The following GNAZ variants were observed in gnomAD, a reference collection of about 807,000 sequenced individuals.
GNAZ encodes the protein G protein subunit alpha z, also known as guanine nucleotide-binding protein G(z) subunit alpha.
Under a neutral mutation model 25.4 loss-of-function variants are expected in GNAZ, and 3 were observed. The observed-to-expected ratio is 0.12, with a 90% CI of 0.05 to 0.30. The LOEUF (loss-of-function observed/expected upper bound fraction) is 0.30. Ranked by LOEUF, GNAZ falls within the 10% of genes least tolerant of loss-of-function variation. GNAZ has a pLI of 1.00. For missense variants in GNAZ, 241 were observed against 501.8 expected (o/e 0.48, Z 4.97); for synonymous variants, 211 against 205.7 (o/e 1.03, Z -0.22).
chr22:23,093,247 C>T (rs1297012961), intron 1 of GNAZ, among the ~76,000 whole-genome samples: 3 of 152,220 alleles, frequency 2.0e-5, no homozygotes, highest in African/African-American at 7.2e-5. Flanking sequence ...AATCACTGCC[C>T]TCTTGGCAGA....
intron 1 of GNAZ, among the ~76,000 whole-genome samples, chr22:23,087,424 C>T (rs2146291090): frequency 6.6e-6 from 1 of 152,254 alleles, no homozygotes; most frequent in African/African-American, 2.4e-5. Flanking sequence ...TGATGGTGCA[C>T]TGCAGCTGGG....
chr22:23,113,894 G>A (rs760878702), intron 2 of GNAZ, among the ~76,000 whole-genome samples: 17 of 152,216 alleles, frequency 1.1e-4, no homozygotes, highest in Non-Finnish European at 2.2e-4. Flanking sequence ...ACCCGCTACC[G>A]ATGGAGGCAT....
chr22:23,072,872 G>C (rs185785859), intron 1 of GNAZ, among the ~76,000 whole-genome samples: 1 of 152,368 alleles, frequency 6.6e-6, no homozygotes, highest in East Asian at 1.9e-4. Context: ...TGGTGCAGGA[G>C]TATGGGTGGG....
intron 1 of GNAZ, among the ~76,000 whole-genome samples, chr22:23,079,998 G>C (rs1027929902): frequency 1.3e-5 from 2 of 152,282 alleles, no homozygotes; most frequent in South Asian, 4.1e-4. Context: ...CCACTCAAGT[G>C]AGGGTTTGAT....
At chr22:23,088,176 G>A (rs189988873) in intron 1 of GNAZ, among the ~76,000 whole-genome samples, 4 of 152,338 alleles carry the variant, frequency 2.6e-5, no homozygotes, top group Admixed American at 2.6e-4. Context: ...TGGCCTGCAG[G>A]TTCCCATACT....
At chr22:23,113,246 G>A (rs960990770) in intron 2 of GNAZ, among the ~76,000 whole-genome samples, 1 of 152,232 alleles carries the variant, frequency 6.6e-6, no homozygotes. Context: ...ACCTGGCCCT[G>A]TGCCCAGGCA....
At chr22:23,087,502 G>T (rs529638227) in intron 1 of GNAZ, among the ~76,000 whole-genome samples, 1 of 152,168 alleles carries the variant, frequency 6.6e-6, no homozygotes, top group Non-Finnish European at 1.5e-5. Context: ...CACCTTGCCC[G>T]CTGCCTAGAC....
At chr22:23,103,634 C>T (rs2069370753) in intron 2 of GNAZ, among the ~76,000 whole-genome samples, 1 of 151,592 alleles carries the variant, frequency 6.6e-6, no homozygotes, top group African/African-American at 2.5e-5. Context: ...AGAGAGCAAC[C>T]TTGCATTGGC....
In GNAZ at chr22:23,124,075, C is replaced by G. The variant is rs529444439; in HGVS notation, c.*644C>G. ...ACAGCTTCAAAATATGCAGCAAAAA[C>G]CAATACAACAAAACGAGTGGCACGA... is the stretch of plus-strand genomic sequence containing the variant. On this transcript the variant is annotated 3_prime_UTR_variant, in exon 3 of 3. Transcript: ENST00000615612. 9.0e-6 allele frequency: 2 copies of G among 222,496 alleles called. No individual in the cohort carries two copies. The highest frequency in any genetic ancestry group is 4.7e-5 in the African/African-American group (2 of 42,228). 13.8% of individuals were successfully genotyped at this position (222,496 alleles called of 1,614,324 possible). A position where few individuals can be genotyped will look rare whatever the true frequency, so the allele number is the denominator to read the frequency against.
Position 23,123,241 on chromosome 22 carries a change from G to A in GNAZ, c.878G>A (p.Gly293Asp). The change falls in exon 3 of 3, where the codon GGC becomes GAC. Residue 293 changes from glycine to aspartate, a missense_variant. Gly to Asp is a moderately conservative substitution (Grantham distance 94, BLOSUM62 -1). Transcript: ENST00000615612. ...ACCATCTGCTTTCCCGAGTACAAGG[G>A]CCAGAACACGTACGAGGAGGCCGCT... ...PLTICFPEYKGQNTYEEAAVY... is the reference protein window; with the variant it reads ...PLTICFPEYKDQNTYEEAAVY... 6.2e-7 allele frequency: 1 copy of A among 1,614,100 alleles called. No homozygotes were observed. The highest frequency in any genetic ancestry group is 8.5e-7 in the Non-Finnish European group (1 of 1,180,016).
At position 23,124,303 on chromosome 22, in the gene GNAZ, G is replaced by T; in HGVS notation, c.*872G>T. 3.7e-6 allele frequency: 1 copy of T among 270,618 alleles called. No homozygotes were observed. The highest frequency in any genetic ancestry group is 8.4e-6 in the Non-Finnish European group (1 of 119,406). 16.8% of individuals were successfully genotyped at this position (270,618 alleles called of 1,614,324 possible). A position where few individuals can be genotyped will look rare whatever the true frequency, so the allele number is the denominator to read the frequency against. On this transcript the variant is annotated 3_prime_UTR_variant, in exon 3 of 3. Coordinates refer to ENST00000615612, the MANE Select transcript of GNAZ (RefSeq NM_002073.4). ...TGCAGTTGAGTATTCTTTTTTAAAT[G>T]CAGATTTTCAAAACATATTTTTTTT...
At chr22:23,121,499 C>G (rs2070023047) in intron 2 of GNAZ, among the ~76,000 whole-genome samples, 1 of 152,180 alleles carries the variant, frequency 6.6e-6, no homozygotes, top group South Asian at 2.1e-4. Context: ...GGGCTTGGAG[C>G]ACATATCCTG....
intron 1 of GNAZ, among the ~76,000 whole-genome samples, chr22:23,085,574 G>T (rs920330734): frequency 6.6e-6 from 1 of 152,198 alleles, no homozygotes; most frequent in African/African-American, 2.4e-5. Flanking sequence ...GGGAGAGGGT[G>T]ACCCACTTTG....
intron 2 of GNAZ, among the ~76,000 whole-genome samples, chr22:23,121,882 C>T (rs1035173183): frequency 1.3e-4 from 19 of 151,586 alleles, no homozygotes; most frequent in African/African-American, 4.6e-4. Flanking sequence ...CCACCATGCC[C>T]AGCTAATTTT....
chr22:23,100,192 A>G (rs1159422785), intron 2 of GNAZ, among the ~76,000 whole-genome samples: 1 of 152,212 alleles, frequency 6.6e-6, no homozygotes, highest in East Asian at 1.9e-4. Flanking sequence ...ACTGGGGGAC[A>G]AGGAGGAGGC....
At chr22:23,079,520 C>T (rs2068613719) in intron 1 of GNAZ, among the ~76,000 whole-genome samples, 1 of 152,150 alleles carries the variant, frequency 6.6e-6, no homozygotes, top group Admixed American at 6.5e-5. Context: ...CCCTGGTGCC[C>T]TGGCTGGACT....
chr22:23,105,456 C>T (rs1362763098), intron 2 of GNAZ, among the ~76,000 whole-genome samples: 1 of 152,252 alleles, frequency 6.6e-6, no homozygotes, highest in Non-Finnish European at 1.5e-5. Flanking sequence ...AGAGCCTGAG[C>T]CTGCTGCAGA....
intron 1 of GNAZ, among the ~76,000 whole-genome samples, chr22:23,090,767 C>T (rs2068949123): frequency 6.6e-6 from 1 of 152,216 alleles, no homozygotes; most frequent in African/African-American, 2.4e-5. Flanking sequence ...ACCCTGCCCA[C>T]CTGGAGCTCC....
intron 2 of GNAZ, among the ~76,000 whole-genome samples, chr22:23,117,822 A>G (rs139854302): frequency 6.6e-6 from 1 of 152,364 alleles, no homozygotes; most frequent in East Asian, 1.9e-4. Flanking sequence ...GGCCAGGGAC[A>G]TCTGCCCCTT....
Sources: gnomAD v4.1 joint callset for allele counts (sites outside exome capture counted in the v4.1 genomes callset) on GRCh38, gnomAD v4.1.1 for gene constraint, MANE v1.5 for transcripts, NCBI Gene and HGNC (gene_info 2026-07-23, HGNC 2026-07-21) for gene names.